Variants in AKR1D1 observed in about 807,000 individuals in gnomAD.
AKR1D1 encodes the protein delta(4)-3-ketosteroid 5-beta-reductase.
Under a neutral mutation model 42.6 loss-of-function variants are expected in AKR1D1, and 32 were observed. The ratio of observed to expected loss-of-function variants is 0.75; its 90% CI spans 0.57 to 1.01. The LOEUF (loss-of-function observed/expected upper bound fraction) is 1.01, where lower values mean the gene tolerates loss of function less well. Ranked by LOEUF, AKR1D1 falls within the 50% of genes least tolerant of loss-of-function variation. AKR1D1 has a pLI of 0.00. For synonymous variants in AKR1D1, 123 were observed against 135.5 expected (o/e 0.91, Z 0.64); for missense variants, 364 against 402.2 (o/e 0.91, Z 0.81).
rs775637709 is a variant in AKR1D1, at chr7:138,113,670, T to TA, written c.856-19dup. 1 of 1,609,696 alleles carries TA rather than the reference T, an allele frequency of 6.2e-7. No individual in the cohort carries two copies. Among genetic ancestry groups the TA allele is most frequent in the Admixed American group, 1.7e-5 (1 of 59,986 alleles). On this transcript the variant is annotated intron_variant, in intron 7 of 8. Coordinates refer to ENST00000242375, the MANE Select transcript of AKR1D1 (RefSeq NM_005989.4). ...CCAAGCTTGACCTTCAAAAATGTTC[T>TA]ATTATTTCCGTTATTTCAGATCTTT...
chr7:138,111,193 T>C (rs1794529841), intron 7 of AKR1D1, among the ~76,000 whole-genome samples: 1 of 152,204 alleles, frequency 6.6e-6, no homozygotes, highest in African/African-American at 2.4e-5. Flanking sequence ...TGTTCCTCTC[T>C]ACTGTGTAAC....
intron 3 of AKR1D1, among the ~76,000 whole-genome samples, chr7:138,095,083 A>C (rs971825974): frequency 2.0e-5 from 3 of 152,174 alleles, no homozygotes; most frequent in East Asian, 1.9e-4. Context: ...ATCGGGATGA[A>C]AGGATGAGTA....
chr7:138,082,184 G>A (rs1202244217), intron 1 of AKR1D1, among the ~76,000 whole-genome samples: 3 of 152,106 alleles, frequency 2.0e-5, no homozygotes, highest in African/African-American at 4.8e-5. Context: ...TGCTATGTCC[G>A]ATATGCTACT....
Position 138,105,305 on chromosome 7 carries a change from A to C in AKR1D1, c.457-2A>C. On this transcript the variant is annotated splice_acceptor_variant, in intron 4 of 8. Transcript: ENST00000242375. LOFTEE classifies it high-confidence loss of function. ...GTTGACCTGTGGACATTTACTCTAC[A>C]GGCGATGGAAGCTTGCAAAGACGCT... is the stretch of plus-strand genomic sequence containing the variant. The C allele has an allele frequency of 6.2e-7, 1 of 1,614,100 alleles. No individual in the cohort carries two copies. The highest frequency in any genetic ancestry group is 8.5e-7 in the Non-Finnish European group (1 of 1,180,000).
chr7:138,090,957 C>T (rs1794062735), intron 2 of AKR1D1, among the ~76,000 whole-genome samples: 1 of 152,216 alleles, frequency 6.6e-6, no homozygotes, highest in Non-Finnish European at 1.5e-5. Flanking sequence ...CAGGCTTTCA[C>T]ACCACCTGTC....
intron 7 of AKR1D1, among the ~76,000 whole-genome samples, chr7:138,109,628 C>T (rs1452749856): frequency 5.3e-5 from 8 of 152,118 alleles, no homozygotes; most frequent in South Asian, 2.1e-4. Flanking sequence ...AAGGAAAGTT[C>T]GTAAAAAGAA....
At chr7:138,079,368 G>T (rs141613986) in intron 1 of AKR1D1, among the ~76,000 whole-genome samples, 1 of 152,114 alleles carries the variant, frequency 6.6e-6, no homozygotes, top group African/African-American at 2.4e-5. Context: ...TCTCCATTTT[G>T]TCCTACTTCC....
intron 4 of AKR1D1, among the ~76,000 whole-genome samples, chr7:138,100,088 C>CAAAAAAAAAAAAAAAAAAAAAAAA (rs59361346): frequency 3.0e-4 from 13 of 43,568 alleles, no homozygotes; most frequent in Non-Finnish European, 3.8e-4. Flanking sequence ...GATTTCATCT[C>CAAAAAAAAAAAAAAAAAAAAAAAA]AAAAAAAAAA....
chr7:138,114,194 A>T (rs774435920), intron 8 of AKR1D1, among the ~76,000 whole-genome samples: 1 of 152,228 alleles, frequency 6.6e-6, no homozygotes, highest in African/African-American at 2.4e-5. Flanking sequence ...TTGTAGAAAG[A>T]GCACTAGATT....
chr7:138,087,337 G>A (rs10279265), intron 1 of AKR1D1, among the ~76,000 whole-genome samples: 3,283 of 152,214 alleles, frequency 0.022, 124 homozygotes, highest in African/African-American at 0.074. Flanking sequence ...TTGGAGATTA[G>A]GTTTCAACAT....
intron 5 of AKR1D1, among the ~76,000 whole-genome samples, chr7:138,106,186 TAAA>T (rs200703839): frequency 6.6e-6 from 1 of 152,142 alleles, no homozygotes; most frequent in Non-Finnish European, 1.5e-5. Flanking sequence ...TCAGCCTTAC[TAAA>T]AAAACAATTT....
chr7:138,114,228 G>C (rs550522559), intron 8 of AKR1D1, among the ~76,000 whole-genome samples: 1 of 152,274 alleles, frequency 6.6e-6, no homozygotes, highest in East Asian at 1.9e-4. Context: ...TAGACTTTTA[G>C]ACAAATACTT....
intron 3 of AKR1D1, among the ~76,000 whole-genome samples, chr7:138,097,626 G>A (rs1794208137): frequency 1.3e-5 from 2 of 152,218 alleles, no homozygotes; most frequent in South Asian, 4.1e-4. Context: ...ACAGATGCAG[G>A]TGTCAGCTGT....
intron 2 of AKR1D1, among the ~76,000 whole-genome samples, chr7:138,090,586 A>G (rs1189300934): frequency 6.6e-6 from 1 of 151,434 alleles, no homozygotes; most frequent in Non-Finnish European, 1.5e-5. Context: ...GCACTAAGCC[A>G]AGATCAAGCC....
chr7:138,079,228 C>G (rs1367047246), intron 1 of AKR1D1, among the ~76,000 whole-genome samples: 1 of 152,124 alleles, frequency 6.6e-6, no homozygotes, highest in Non-Finnish European at 1.5e-5. Flanking sequence ...AAGCCTTGCT[C>G]TTATACCAAG....
chr7:138,086,879 T>C (rs1009995013), intron 1 of AKR1D1, among the ~76,000 whole-genome samples: 3 of 152,180 alleles, frequency 2.0e-5, no homozygotes, highest in Non-Finnish European at 1.5e-5. Flanking sequence ...GCTTTGAAAA[T>C]TATATTTGAT....
rs141495662 is a variant in AKR1D1, at chr7:138,084,035, G to A, written c.94-4566G>A. On this transcript the variant is annotated intron_variant, in intron 1 of 8. Coordinates refer to ENST00000242375, the MANE Select transcript of AKR1D1 (RefSeq NM_005989.4). ...CCTGGAGGCATTGCTACCCAGTGAC[G>A]ATGTGAAACTGGTCAGCAGACTCCG... 5.2e-4 allele frequency among the ~76,000 whole-genome samples: 79 copies of A among 152,182 alleles called. 1 individual carries two copies. Among genetic ancestry groups the A allele is most frequent in the African/African-American group, 1.8e-3 (75 of 41,522 alleles).
chr7:138,103,328 C>A lies in AKR1D1; in HGVS notation c.457-1979C>A, dbSNP rs78329986. Among the ~76,000 whole-genome samples, 823 of 151,924 alleles carry A rather than the reference C, an allele frequency of 5.4e-3. 7 individuals are homozygous for A. The highest frequency in any genetic ancestry group is 7.1e-3 in the Admixed American group (108 of 15,276). ...ATCAAATAATAAAAGGAAAATGAAC[C>A]CATAATACGCTACAATTAAAGTTTA... On this transcript the variant is annotated intron_variant, in intron 4 of 8. Transcript: ENST00000242375.
rs763945438 is a variant in AKR1D1, at chr7:138,097,851, T to C, written c.379-15T>C. On this transcript the variant is annotated splice_polypyrimidine_tract_variant and intron_variant, in intron 3 of 8. Transcript: ENST00000242375. ...ATAAAATGAATTACATTTATTCTTT[T>C]TTTTTTTTTTTCAGCCAGGAGATGA... 8.1e-6 allele frequency: 11 copies of C among 1,360,192 alleles called. No individual in the cohort carries two copies. The East Asian group carries it at 3.0e-4, about 37-fold the overall frequency. 84.3% of individuals were successfully genotyped at this position (1,360,192 alleles called of 1,614,324 possible). A position where few individuals can be genotyped will look rare whatever the true frequency, so the allele number is the denominator to read the frequency against.
Sources: allele counts gnomAD v4.1 joint callset (sites outside exome capture counted in the v4.1 genomes callset), GRCh38; gene constraint gnomAD v4.1.1; transcripts MANE v1.5; gene names NCBI Gene and HGNC (gene_info 2026-07-23, HGNC 2026-07-21).